CRACR2A: variants seen among roughly 807,000 people sequenced by gnomAD.
CRACR2A encodes the protein calcium release activated channel regulator 2A.
CRACR2A carries 79 observed loss-of-function variants against 90.5 expected under a neutral mutation model. The ratio of observed to expected loss-of-function variants is 0.87; its 90% confidence interval spans 0.73 to 1.05. CRACR2A has a LOEUF of 1.05. Among genes scored for constraint, CRACR2A ranks in the 50% least tolerant of loss-of-function variants. CRACR2A has a pLI of 0.00. For synonymous variants in CRACR2A, 338 were observed against 356.7 expected, an observed-to-expected ratio of 0.95 and a Z score of 0.59; for missense variants, 823 against 897.2, an observed-to-expected ratio of 0.92 and a Z score of 1.06.
chr12:3,739,723 C>CA (rs1335714535), intron 1 of CRACR2A, among the ~76,000 whole-genome samples: 2 of 152,084 alleles, frequency 1.3e-5, no homozygotes, highest in African/African-American at 4.8e-5. Context: ...ATCATGAAGT[C>CA]AGGAGATTGA....
intron 8 of CRACR2A, among the ~76,000 whole-genome samples, chr12:3,658,523 A>C (rs1666416934): frequency 6.6e-6 from 1 of 152,134 alleles, no homozygotes; most frequent in Non-Finnish European, 1.5e-5. Context: ...AAGAGGGAGG[A>C]GGCCTGGAAA....
At chr12:3,639,784 A>G (rs1449528381) in intron 13 of CRACR2A, among the ~76,000 whole-genome samples, 1 of 152,224 alleles carries the variant, frequency 6.6e-6, no homozygotes. Flanking sequence ...TGAAAAATAA[A>G]GGATTTGCAG....
At chr12:3,643,807 ATATATATATTT>A (rs1565470823) in intron 12 of CRACR2A, among the ~76,000 whole-genome samples, 3 of 89,618 alleles carry the variant, frequency 3.3e-5, no homozygotes, top group African/African-American at 5.2e-5. Flanking sequence ...AATATATATT[ATATATATATTT>A]ATATTATATA....
chr12:3,624,324 GT>G (rs1944215469), intron 17 of CRACR2A, among the ~76,000 whole-genome samples: 1 of 152,202 alleles, frequency 6.6e-6, no homozygotes, highest in Admixed American at 6.5e-5. Context: ...GAGGGAGTTG[GT>G]AAAGTGCTCA....
At position 3,634,186 on chromosome 12, in the gene CRACR2A, A is replaced by G. The variant is rs1304572386; in HGVS notation, c.1603-450T>C. Among the ~76,000 whole-genome samples, 3 of 152,144 alleles carry G rather than the reference A, an allele frequency of 2.0e-5. No homozygotes were observed. In the East Asian group the frequency reaches 5.8e-4, roughly 29 times the overall value. ...CGTTTGCACGGAGAAGGAGAGAAGG[A>G]CGAAAGAAGGCTTATCCACATCACA... On this transcript the variant is annotated intron_variant, in intron 14 of 19. Coordinates refer to ENST00000440314, the MANE Select transcript of CRACR2A (RefSeq NM_001144958.2).
intron 2 of CRACR2A, among the ~76,000 whole-genome samples, chr12:3,724,060 C>T (rs533772683): frequency 5.3e-5 from 8 of 152,304 alleles, no homozygotes; most frequent in Non-Finnish European, 1.2e-4. Context: ...CATCTGTTTC[C>T]TCCTGTCTCC....
rs1946386190 is a variant in CRACR2A at position 3,733,055 on chromosome 12, A to C, written c.-231T>G. 6.6e-6 allele frequency: 1 copy of C among 152,338 alleles called. No individual in the cohort carries two copies. The highest frequency in any genetic ancestry group is 1.5e-5 in the Non-Finnish European group (1 of 68,168). 9.4% of individuals were successfully genotyped at this position (152,338 alleles called of 1,614,324 possible). A position where few individuals can be genotyped will look rare whatever the true frequency, so the allele number is the denominator to read the frequency against. On this transcript the variant is annotated 5_prime_UTR_variant, in exon 2 of 20. Coordinates refer to ENST00000440314, the MANE Select transcript of CRACR2A (RefSeq NM_001144958.2). ...CCAGCGCTCTGGATCCGGCTCCTGC[A>C]GGGTTTTTCTTGTGCTAAGTGCCCA...
intron 1 of CRACR2A, among the ~76,000 whole-genome samples, chr12:3,747,739 G>C (rs1046820211): frequency 6.6e-6 from 1 of 152,208 alleles, no homozygotes; most frequent in Non-Finnish European, 1.5e-5. Flanking sequence ...CCAGAAACAC[G>C]AGTGCAGGTT....
chr12:3,643,155 G>A (rs1214810264), intron 12 of CRACR2A, among the ~76,000 whole-genome samples: 1 of 152,174 alleles, frequency 6.6e-6, no homozygotes, highest in Non-Finnish European at 1.5e-5. Context: ...AAACAAACAT[G>A]TGTAGGCTCA....
At chr12:3,716,727 A>G (rs1238213442) in intron 2 of CRACR2A, among the ~76,000 whole-genome samples, 1 of 152,120 alleles carries the variant, frequency 6.6e-6, no homozygotes, top group African/African-American at 2.4e-5. Context: ...TAATTTCACA[A>G]TTCTCCTGCC....
At chr12:3,737,911 T>A (rs16930739) in intron 1 of CRACR2A, among the ~76,000 whole-genome samples, 23 of 152,164 alleles carry the variant, frequency 1.5e-4, no homozygotes, top group African/African-American at 5.3e-4. Context: ...ATCGATAAAA[T>A]GATGTCTTCT....
rs1944498734 is a variant in CRACR2A, at chr12:3,638,387, G to T, written c.1339C>A (p.Pro447Thr). The change falls in exon 14 of 20, where the codon CCC becomes ACC. Residue 447 changes from proline (P) to threonine (T), a missense_variant. By Grantham distance (38) the Pro-to-Thr change is conservative. Transcript: ENST00000440314. Reference sequence around the variant, plus strand: ...GTTCCTGGCTCCTCTTCTGTTAGGGGATATCCACTCAGGCCCAGGGAGCTT... The same window carrying T: ...GTTCCTGGCTCCTCTTCTGTTAGGGTATATCCACTCAGGCCCAGGGAGCTT... ...RRSSLGLSGY[P>T]LTEEEPGTGE... 3 of 1,551,626 alleles carry T rather than the reference G, an allele frequency of 1.9e-6. No homozygotes were observed. Among genetic ancestry groups the T allele is most frequent in the South Asian group, 1.2e-5 (1 of 84,058 alleles).
At chr12:3,725,179 C>T (rs138660310) in intron 2 of CRACR2A, among the ~76,000 whole-genome samples, 1 of 152,256 alleles carries the variant, frequency 6.6e-6, no homozygotes, top group East Asian at 1.9e-4. Context: ...AAATCTCCTC[C>T]ACCCGTTAGG....
chr12:3,656,638 C>T (rs528707229), intron 8 of CRACR2A, among the ~76,000 whole-genome samples: 6 of 152,236 alleles, frequency 3.9e-5, no homozygotes, highest in African/African-American at 9.6e-5. Context: ...TCCCAGCAAG[C>T]GTGGCCATGT....
At chr12:3,745,380 C>T (rs578201840) in intron 1 of CRACR2A, among the ~76,000 whole-genome samples, 9 of 152,260 alleles carry the variant, frequency 5.9e-5, no homozygotes, top group Admixed American at 3.3e-4. Flanking sequence ...TCAATCCCAC[C>T]GTGTCCTCCT....
At chr12:3,631,991 C>T (rs1023278201) in intron 15 of CRACR2A, among the ~76,000 whole-genome samples, 1 of 152,182 alleles carries the variant, frequency 6.6e-6, no homozygotes, top group Non-Finnish European at 1.5e-5. Context: ...ACCCAGACCT[C>T]ATGCTCAATT....
chr12:3,661,795 C>T (rs183922514), intron 7 of CRACR2A, among the ~76,000 whole-genome samples: 138 of 152,234 alleles, frequency 9.1e-4, no homozygotes, highest in African/African-American at 3.2e-3. Flanking sequence ...TATATAAATA[C>T]GGTAAAACTA....
chr12:3,735,108 A>T (rs1591721096), intron 1 of CRACR2A, among the ~76,000 whole-genome samples: 1 of 152,216 alleles, frequency 6.6e-6, no homozygotes, highest in East Asian at 1.9e-4. Context: ...TTCTATGTTA[A>T]CCAACTTGAT....
chr12:3,651,744 A>G (rs1418816198), intron 10 of CRACR2A, among the ~76,000 whole-genome samples: 1 of 152,164 alleles, frequency 6.6e-6, no homozygotes, highest in Non-Finnish European at 1.5e-5. Flanking sequence ...GTCAGAGAGC[A>G]TGGGACTATC....
Sources: allele counts gnomAD v4.1 joint callset (sites outside exome capture counted in the v4.1 genomes callset), GRCh38; gene constraint gnomAD v4.1.1; transcripts MANE v1.5; gene names NCBI Gene and HGNC (gene_info 2026-07-23, HGNC 2026-07-21).